C1orf21: variants seen among roughly 807,000 people sequenced by gnomAD.
The protein encoded by C1orf21 is chromosome 1 open reading frame 21.
Under a neutral mutation model 18.7 loss-of-function variants are expected in C1orf21, and 3 were observed. That is an observed-to-expected ratio of 0.16 (90% confidence interval 0.07 to 0.42). The LOEUF (loss-of-function observed/expected upper bound fraction) is 0.42, where lower values mean the gene tolerates loss of function less well. Ranked by LOEUF, C1orf21 falls within the 10% of genes least tolerant of loss-of-function variation. The probability of loss-of-function intolerance (pLI) is 0.99; values close to 1 mark genes in which losing one functional copy is unlikely to be tolerated. For missense variants in C1orf21, 104 were observed against 143.6 expected (o/e 0.72, Z 1.41); for synonymous variants, 41 against 46.4 (o/e 0.88, Z 0.47).
At chr1:184,547,144 A>C (rs917744452) in intron 3 of C1orf21, among the ~76,000 whole-genome samples, 1 of 152,208 alleles carries the variant, frequency 6.6e-6, no homozygotes, top group Non-Finnish European at 1.5e-5. Flanking sequence ...AGTCTAGAGA[A>C]GGAGAATGAG....
intron 2 of C1orf21, among the ~76,000 whole-genome samples, chr1:184,493,608 A>G (rs1024898910): frequency 3.3e-5 from 5 of 152,256 alleles, no homozygotes; most frequent in African/African-American, 7.2e-5. Context: ...ATTTTGATCT[A>G]TAACCAAAGA....
At chr1:184,469,872 A>G (rs1475011571) in intron 1 of C1orf21, among the ~76,000 whole-genome samples, 1 of 152,092 alleles carries the variant, frequency 6.6e-6, no homozygotes, top group African/African-American at 2.4e-5. Flanking sequence ...ATTTTACTTT[A>G]TTATGTTTAT....
intron 5 of C1orf21, among the ~76,000 whole-genome samples, chr1:184,605,224 G>A (rs757171922): frequency 3.9e-5 from 6 of 152,046 alleles, no homozygotes; most frequent in Non-Finnish European, 7.4e-5. Context: ...CATTCATTAG[G>A]TTTGGCAGTC....
intron 5 of C1orf21, among the ~76,000 whole-genome samples, chr1:184,617,901 GTTGTTT>G (rs1054287243): frequency 8.7e-6 from 1 of 114,458 alleles, no homozygotes; most frequent in Non-Finnish European, 1.7e-5. Context: ...GTTTGTTGTT[GTTGTTT>G]TTTTTTTTTT....
At chr1:184,477,753 T>C in intron 2 of C1orf21, 150 bp downstream of exon 2, 1 of 640,276 alleles carries the variant, frequency 1.6e-6, no homozygotes, top group Non-Finnish European at 2.7e-6. Flanking sequence ...GTATTTAGGA[T>C]ATCTATCACC....
At chr1:184,607,713 ATG>A (rs1384402279) in intron 5 of C1orf21, among the ~76,000 whole-genome samples, 2 of 150,766 alleles carry the variant, frequency 1.3e-5, no homozygotes, top group Admixed American at 6.6e-5. Flanking sequence ...ATACACATAT[ATG>A]TGTGTGTATA....
intron 2 of C1orf21, among the ~76,000 whole-genome samples, chr1:184,483,466 C>T (rs1657685213): frequency 2.0e-5 from 3 of 152,214 alleles, no homozygotes. Context: ...TGGGGAGAAA[C>T]TCTTACAGTT....
chr1:184,460,358 G>C (rs1657282827), intron 1 of C1orf21, among the ~76,000 whole-genome samples: 1 of 152,198 alleles, frequency 6.6e-6, no homozygotes, highest in Admixed American at 6.5e-5. Flanking sequence ...TGAAGCTTCA[G>C]TAGACATTCA....
intron 2 of C1orf21, among the ~76,000 whole-genome samples, chr1:184,478,506 A>G (rs1657606456): frequency 1.3e-5 from 2 of 152,338 alleles, no homozygotes; most frequent in East Asian, 3.9e-4. Context: ...AAGAGCTGGC[A>G]GCAATAGGTC....
chr1:184,590,247 A>G (rs906413377), intron 3 of C1orf21, among the ~76,000 whole-genome samples: 1 of 152,226 alleles, frequency 6.6e-6, no homozygotes, highest in African/African-American at 2.4e-5. Flanking sequence ...TAGTAATTCA[A>G]TTGAATTCAA....
chr1:184,526,148 G>T (rs1467391215), intron 3 of C1orf21, among the ~76,000 whole-genome samples: 1 of 152,168 alleles, frequency 6.6e-6, no homozygotes, highest in Non-Finnish European at 1.5e-5. Context: ...GGAGTGTGCT[G>T]ATCATTCTTG....
At chr1:184,555,583 A>G (rs937631585) in intron 3 of C1orf21, among the ~76,000 whole-genome samples, 6 of 151,886 alleles carry the variant, frequency 4.0e-5, no homozygotes, top group Admixed American at 2.0e-4. Flanking sequence ...ATATGCACAA[A>G]CACCTGTTAC....
chr1:184,433,006 G>C (rs1287636415), intron 1 of C1orf21, among the ~76,000 whole-genome samples: 2 of 152,182 alleles, frequency 1.3e-5, no homozygotes, highest in Non-Finnish European at 2.9e-5. Flanking sequence ...AGACCCAAGA[G>C]GTACATGCTA....
rs772706926 is a variant in C1orf21 at position 184,407,145 on chromosome 1, T to A, written c.-125+19777T>A. On this transcript the variant is annotated intron_variant, in intron 1 of 5. Transcript: ENST00000235307. ...TGCATATCACTAGGCTTGGCTAATT[T>A]AAAAAAAAATTTAGAGACAGGGTCT... is the stretch of plus-strand genomic sequence containing the variant. 1.5e-3 allele frequency among the ~76,000 whole-genome samples: 226 copies of A among 151,776 alleles called. 1 individual carries two copies. The highest frequency in any genetic ancestry group is 4.9e-3 in the Admixed American group (74 of 15,238).
intron 2 of C1orf21, among the ~76,000 whole-genome samples, chr1:184,505,910 G>A (rs544439568): frequency 2.0e-5 from 3 of 151,650 alleles, no homozygotes; most frequent in Non-Finnish European, 2.9e-5. Context: ...AATTGTGTTG[G>A]GGGCAAATTT....
At chr1:184,615,325 C>G (rs1307562096) in intron 5 of C1orf21, among the ~76,000 whole-genome samples, 1 of 152,120 alleles carries the variant, frequency 6.6e-6, no homozygotes, top group African/African-American at 2.4e-5. Context: ...GAGTCTGCAC[C>G]CGAAGGCACT....
At chr1:184,529,874 G>C (rs192103121) in intron 3 of C1orf21, among the ~76,000 whole-genome samples, 1 of 152,320 alleles carries the variant, frequency 6.6e-6, no homozygotes, top group African/African-American at 2.4e-5. Flanking sequence ...ACTTAGTAGA[G>C]AAGAAGCCTG....
intron 2 of C1orf21, among the ~76,000 whole-genome samples, chr1:184,504,236 T>A (rs1276917256): frequency 2.0e-5 from 3 of 152,058 alleles, no homozygotes; most frequent in Non-Finnish European, 4.4e-5. Context: ...CCTGACAAGA[T>A]CAACAGGAAG....
At chr1:184,527,085 A>G (rs192891752) in intron 3 of C1orf21, among the ~76,000 whole-genome samples, 19 of 152,316 alleles carry the variant, frequency 1.2e-4, no homozygotes, top group African/African-American at 4.6e-4. Context: ...TCATTTAGCT[A>G]AACTACCTTC....
Sources: allele counts gnomAD v4.1 joint callset (sites outside exome capture counted in the v4.1 genomes callset), GRCh38; gene constraint gnomAD v4.1.1; transcripts MANE v1.5; gene names NCBI Gene and HGNC (gene_info 2026-07-23, HGNC 2026-07-21).